UBR3: variants seen among roughly 807,000 people sequenced by gnomAD.
UBR3 encodes the protein ubiquitin protein ligase E3 component n-recognin 3, also known as E3 ubiquitin-protein ligase UBR3.
UBR3 carries 85 observed loss-of-function variants against 243.2 expected under a neutral mutation model. That is an observed-to-expected ratio of 0.35 (90% CI 0.29 to 0.42). The LOEUF is 0.42. Among genes scored for constraint, UBR3 ranks in the 10% least tolerant of loss-of-function variants. The pLI, the probability that UBR3 is intolerant of heterozygous loss-of-function variation, is 1.00. For missense variants in UBR3, 1,686 were observed against 2,300.8 expected (o/e 0.73, Z 5.47); for synonymous variants, 748 against 799.8 (o/e 0.94, Z 1.09).
intron 32 of UBR3, among the ~76,000 whole-genome samples, chr2:170,048,644 C>G (rs2091146395): frequency 6.6e-6 from 1 of 152,150 alleles, no homozygotes; most frequent in African/African-American, 2.4e-5. Context: ...GCCCTCGTTT[C>G]CAAATTCGTA....
intron 2 of UBR3, among the ~76,000 whole-genome samples, 152 bp downstream of exon 2, chr2:169,872,527 A>C (rs2083468150): frequency 2.0e-5 from 3 of 152,168 alleles, no homozygotes; most frequent in Non-Finnish European, 2.9e-5. Flanking sequence ...ATAGAAACAC[A>C]CTAAAAATTA....
chr2:169,988,279 G>C (rs2089118735), intron 25 of UBR3, among the ~76,000 whole-genome samples: 1 of 152,088 alleles, frequency 6.6e-6, no homozygotes, highest in Non-Finnish European at 1.5e-5. Flanking sequence ...GAGCTCCTAG[G>C]TGTCAGGCAC....
intron 36 of UBR3, among the ~76,000 whole-genome samples, chr2:170,075,993 G>C (rs926463440): frequency 1.3e-5 from 2 of 151,722 alleles, no homozygotes; most frequent in African/African-American, 4.8e-5. Flanking sequence ...CATCGCTTGG[G>C]AAGAAGAGAA....
At position 169,888,990 on chromosome 2, in the gene UBR3, A is replaced by G. The variant is rs187669808; in HGVS notation, c.1039-2175A>G. ...ATAGTCCCAATTCACTTGTCTGATT[A>G]TTTCTTTGGGTTAAATTCCTAGAAC... On this transcript the variant is annotated intron_variant, in intron 5 of 38. Coordinates refer to ENST00000272793, the MANE Select transcript of UBR3 (RefSeq NM_172070.4). 2.6e-4 allele frequency among the ~76,000 whole-genome samples: 39 copies of G among 152,236 alleles called. No homozygotes were observed. The East Asian group carries it at 7.3e-3, about 29-fold the overall frequency.
intron 32 of UBR3, among the ~76,000 whole-genome samples, chr2:170,050,551 G>C (rs1300335275): frequency 6.6e-6 from 1 of 152,100 alleles, no homozygotes; most frequent in Non-Finnish European, 1.5e-5. Context: ...AGTAAGTATT[G>C]ATCTTCCTTT....
chr2:169,998,983 A>T (rs994277156), intron 26 of UBR3, among the ~76,000 whole-genome samples: 2 of 152,222 alleles, frequency 1.3e-5, no homozygotes, highest in South Asian at 2.1e-4. Context: ...TTAGGCACTT[A>T]GCACAGTGGT....
chr2:169,953,298 T>C (rs2087122730), intron 23 of UBR3, among the ~76,000 whole-genome samples: 1 of 152,224 alleles, frequency 6.6e-6, no homozygotes, highest in Admixed American at 6.5e-5. Context: ...TTCTCACATT[T>C]GTCTTTCCTC....
chr2:170,044,650 C>A (rs11684924), intron 32 of UBR3, among the ~76,000 whole-genome samples: 2 of 152,168 alleles, frequency 1.3e-5, no homozygotes, highest in East Asian at 1.9e-4. Context: ...AAGAAGAAAC[C>A]AAATTAACAC....
At chr2:170,041,890 A>G (rs563270430) in intron 32 of UBR3, among the ~76,000 whole-genome samples, 1 of 152,348 alleles carries the variant, frequency 6.6e-6, no homozygotes, top group East Asian at 1.9e-4. Flanking sequence ...AAGTAAAACA[A>G]TATCATTGAT....
chr2:169,843,870 TC>T (rs1375728968), intron 1 of UBR3, among the ~76,000 whole-genome samples: 1 of 152,240 alleles, frequency 6.6e-6, no homozygotes, highest in Non-Finnish European at 1.5e-5. Flanking sequence ...ATGACATTAT[TC>T]CTTTTTTAAA....
chr2:169,983,419 C>T (rs1190218361), intron 24 of UBR3, among the ~76,000 whole-genome samples: 1 of 151,914 alleles, frequency 6.6e-6, no homozygotes, highest in South Asian at 2.1e-4. Context: ...CATCACCACA[C>T]CCAGCCAATT....
chr2:169,889,211 T>G (rs2084232181), intron 5 of UBR3, among the ~76,000 whole-genome samples: 1 of 152,234 alleles, frequency 6.6e-6, no homozygotes, highest in Non-Finnish European at 1.5e-5. Context: ...TTTTGTCTTT[T>G]GCCTTTGCTT....
intron 19 of UBR3, among the ~76,000 whole-genome samples, chr2:169,934,379 T>C (rs1309272826): frequency 6.6e-6 from 1 of 152,192 alleles, no homozygotes; most frequent in African/African-American, 2.4e-5. Flanking sequence ...AAATTTGTAC[T>C]GAGATTGGGC....
chr2:170,055,334 A>G lies in UBR3; in HGVS notation c.4661-126A>G, dbSNP rs2091309453. ...TGAGACCTCGTCTCAAAAACAAACA[A>G]AAAAACTATTAAGTGTTGAAAACAA... On this transcript the variant is annotated intron_variant, in intron 32 of 38. Coordinates refer to ENST00000272793, the MANE Select transcript of UBR3 (RefSeq NM_172070.4). 17 of 1,145,812 alleles carry G rather than the reference A, an allele frequency of 1.5e-5. No homozygotes were observed. In the South Asian group the frequency reaches 2.5e-4, roughly 17 times the overall value. 71.0% of individuals were successfully genotyped at this position (1,145,812 alleles called of 1,614,324 possible). A position where few individuals can be genotyped will look rare whatever the true frequency, so the allele number is the denominator to read the frequency against.
chr2:170,023,142 T>C (rs2090435783), intron 30 of UBR3, among the ~76,000 whole-genome samples: 1 of 152,012 alleles, frequency 6.6e-6, no homozygotes, highest in South Asian at 2.1e-4. Flanking sequence ...AGTTGAGTTT[T>C]TTTTTTTTTT....
rs376135160 is a variant in UBR3, at chr2:169,857,198, C to G, written c.546-15038C>G. Among the ~76,000 whole-genome samples, 5 of 148,828 alleles carry G rather than the reference C, an allele frequency of 3.4e-5. 1 individual carries two copies. The East Asian group carries it at 1.0e-3, about 30-fold the overall frequency. Reference sequence around the variant, plus strand: ...GAGTGATTCTTGTGCCTCAGCTTCCCGAGTAGCTGGGACTTACAGGCACGT... The same window carrying G: ...GAGTGATTCTTGTGCCTCAGCTTCCGGAGTAGCTGGGACTTACAGGCACGT... On this transcript the variant is annotated intron_variant, in intron 1 of 38. Coordinates refer to ENST00000272793, the MANE Select transcript of UBR3 (RefSeq NM_172070.4).
intron 32 of UBR3, among the ~76,000 whole-genome samples, chr2:170,047,494 T>TC (rs1350671223): frequency 6.6e-6 from 1 of 152,180 alleles, no homozygotes. Context: ...TCCTGGGGAC[T>TC]CCTGGCCATA....
intron 1 of UBR3, among the ~76,000 whole-genome samples, chr2:169,843,352 A>G (rs1407015513): frequency 6.6e-6 from 1 of 152,194 alleles, no homozygotes; most frequent in Non-Finnish European, 1.5e-5. Flanking sequence ...GAAAAGAGCA[A>G]AAGGGGCAGA....
chr2:169,854,085 T>A (rs1421716637), intron 1 of UBR3, among the ~76,000 whole-genome samples: 13 of 152,102 alleles, frequency 8.5e-5, no homozygotes, highest in Admixed American at 8.5e-4. Context: ...GCTTAAAACC[T>A]AGATGACGGG....
Sources: gnomAD v4.1 joint callset for allele counts (sites outside exome capture counted in the v4.1 genomes callset) on GRCh38, gnomAD v4.1.1 for gene constraint, MANE v1.5 for transcripts, NCBI Gene and HGNC (gene_info 2026-07-23, HGNC 2026-07-21) for gene names.